Variants in KCNQ1 observed in about 807,000 individuals in gnomAD.
The protein encoded by KCNQ1 is potassium voltage-gated channel subfamily KQT member 1.
KCNQ1 carries 49 observed loss-of-function variants against 72.4 expected under a neutral mutation model. That is an observed-to-expected ratio of 0.68 (90% CI 0.54 to 0.86). The LOEUF (loss-of-function observed/expected upper bound fraction) is 0.86, where lower values mean the gene tolerates loss of function less well. Among genes scored for constraint, KCNQ1 ranks in the 40% least tolerant of loss-of-function variants. The pLI is 0.00. For synonymous variants in KCNQ1, 450 were observed against 412.6 expected (o/e 1.09, Z -1.10); for missense variants, 790 against 945.1 (o/e 0.84, Z 2.15).
rs1846239807 is a variant in KCNQ1, at chr11:2,752,321, G to C, written c.1515-16523G>C. Among the ~76,000 whole-genome samples, 1 of 151,696 alleles carries C rather than the reference G, an allele frequency of 6.6e-6. No homozygotes were observed. The highest frequency in any genetic ancestry group is 1.5e-5 in the Non-Finnish European group (1 of 68,030). ...CCATGGAGCTGATCTGAACCCAGTT[G>C]AGTGGCTTCCATGAAGCTGATCCGG... On this transcript the variant is annotated intron_variant, in intron 11 of 15. Transcript: ENST00000155840. This position sits in a 1 kb window ranked among gnomAD's most constrained non-coding sequence, Gnocchi z 5.2.
chr11:2,576,334 C>T (rs531839995), intron 6 of KCNQ1, among the ~76,000 whole-genome samples: 6 of 152,306 alleles, frequency 3.9e-5, no homozygotes, highest in African/African-American at 1.2e-4. Context: ...TGAGAACTCT[C>T]GAATCCCCTG....
chr11:2,674,833 A>T lies in KCNQ1; in HGVS notation c.1514+12752A>T, dbSNP rs1031840223. ...CTTGTCACCCTAATAGCTGTTTTTT[A>T]AAAAAAAAAAAAAAAAAAAAAAAAA... On this transcript the variant is annotated intron_variant, in intron 11 of 15. Coordinates refer to ENST00000155840, the MANE Select transcript of KCNQ1 (RefSeq NM_000218.3). This position sits in a 1 kb window ranked among gnomAD's most constrained non-coding sequence, Gnocchi z 5.9. The T allele has an allele frequency of 6.9e-3, 522 of 75,940 alleles. No individual in the cohort carries two copies. Among genetic ancestry groups the T allele is most frequent in the East Asian group, 0.015 (46 of 2,998 alleles). The allele number at this position is 75,940 out of a possible 1,614,324, so 4.7% of individuals were successfully genotyped here.
rs1489847695 is a variant in KCNQ1 at position 2,695,804 on chromosome 11, C to T, written c.1514+33723C>T. Reference sequence around the variant, plus strand: ...CTAATGCTTCTCCTATGAAGAATAGCTGTTGCTTTCATTTACATTTCTCTG... The same window carrying T: ...CTAATGCTTCTCCTATGAAGAATAGTTGTTGCTTTCATTTACATTTCTCTG... On this transcript the variant is annotated intron_variant, in intron 11 of 15. Transcript: ENST00000155840. The surrounding 1 kb of genome is among the most constrained non-coding windows in gnomAD (Gnocchi z 5.2). 1 of 398,528 alleles carries T rather than the reference C, an allele frequency of 2.5e-6. No homozygotes were observed. Among genetic ancestry groups the T allele is most frequent in the Non-Finnish European group, 4.4e-6 (1 of 226,082 alleles). The allele number at this position is 398,528 out of a possible 1,614,324, so 24.7% of individuals were successfully genotyped here. A position where few individuals can be genotyped will look rare whatever the true frequency, so the allele number is the denominator to read the frequency against.
chr11:2,684,251 G>A (rs1034663794), intron 11 of KCNQ1: 1 of 398,622 alleles, frequency 2.5e-6, no homozygotes, highest in Non-Finnish European at 4.4e-6. Context: ...TACCTTCTGG[G>A]ATTGGATTAA....
chr11:2,500,961 G>A (rs189170045), intron 1 of KCNQ1, among the ~76,000 whole-genome samples: 17 of 152,128 alleles, frequency 1.1e-4, no homozygotes, highest in Admixed American at 4.6e-4. Context: ...ACCATGGCAC[G>A]TGTATGCCTA....
At chr11:2,656,116 T>C (rs2133848948) in intron 10 of KCNQ1, 1 of 398,672 alleles carries the variant, frequency 2.5e-6, no homozygotes, top group South Asian at 1.3e-4. Context: ...CTCTACGTTC[T>C]AGCCTGTGCT....
intron 11 of KCNQ1, chr11:2,685,860 A>G: frequency 2.5e-6 from 1 of 398,736 alleles, no homozygotes; most frequent in East Asian, 3.6e-5. Context: ...TGCTTCACCC[A>G]GGACTCAGAC....
At chr11:2,590,433 A>G (rs567977464) in intron 10 of KCNQ1, among the ~76,000 whole-genome samples, 23 of 152,324 alleles carry the variant, frequency 1.5e-4, no homozygotes, top group African/African-American at 4.6e-4. Flanking sequence ...GGAAAAGGGC[A>G]CCTGTTTTGA....
chr11:2,633,431 C>T lies in KCNQ1; in HGVS notation c.1394-28530C>T, dbSNP rs1849397263. The stretch of plus-strand genomic sequence containing the variant: ...TTGCCTGTGCTTATAAAGTCTTACC[C>T]ATAAAATCTTCGCTAGACCCATATC... On this transcript the variant is annotated intron_variant, in intron 10 of 15. Transcript: ENST00000155840. 8 of 398,394 alleles carry T rather than the reference C, an allele frequency of 2.0e-5. No homozygotes were observed. The Admixed American group carries it at 2.6e-4, about 13-fold the overall frequency. 24.7% of individuals were successfully genotyped at this position (398,394 alleles called of 1,614,324 possible). A position where few individuals can be genotyped will look rare whatever the true frequency, so the allele number is the denominator to read the frequency against.
At chr11:2,466,315 G>A (rs1846350970) in intron 1 of KCNQ1, among the ~76,000 whole-genome samples, 1 of 152,138 alleles carries the variant, frequency 6.6e-6, no homozygotes, top group Admixed American at 6.5e-5. Context: ...CTTGCTGGGG[G>A]GAGAAGTCCT....
chr11:2,709,099 G>A (rs965604381), intron 11 of KCNQ1, among the ~76,000 whole-genome samples: 17 of 152,200 alleles, frequency 1.1e-4, no homozygotes, highest in Admixed American at 4.6e-4. Flanking sequence ...ACTGGCGAGC[G>A]GCTGAGTGTG....
rs1043924825 is a variant in KCNQ1 at position 2,762,543 on chromosome 11, T to C, written c.1515-6301T>C. ...AGGGTTTGTGTGTCTAATGTCCTAT[T>C]CCACGGGTCCCCAGGCCACAGACCG... is the stretch of plus-strand genomic sequence containing the variant. On this transcript the variant is annotated intron_variant, in intron 11 of 15. Transcript: ENST00000155840. This position sits in a 1 kb window ranked among gnomAD's most constrained non-coding sequence, Gnocchi z 4.3. 2.0e-5 allele frequency among the ~76,000 whole-genome samples: 3 copies of C among 152,172 alleles called. No individual in the cohort carries two copies. Among genetic ancestry groups the C allele is most frequent in the Non-Finnish European group, 1.5e-5 (1 of 68,036 alleles).
At position 2,716,727 on chromosome 11, in the gene KCNQ1, G is replaced by A. The variant is rs187259764; in HGVS notation, c.1515-52117G>A. On this transcript the variant is annotated intron_variant, in intron 11 of 15. Transcript: ENST00000155840. ...GGCAGCCGTGAAAGGCACGGGCAGC[G>A]CGGTGCTTCTCCTTCAGGAGGTGGA... is the stretch of plus-strand genomic sequence containing the variant. Among the ~76,000 whole-genome samples, 5 of 152,352 alleles carry A rather than the reference G, an allele frequency of 3.3e-5. No homozygotes were observed. The East Asian group carries it at 5.8e-4, about 18-fold the overall frequency.
intron 10 of KCNQ1, chr11:2,609,299 GTGT>G (rs1268739973): frequency 5.0e-6 from 2 of 398,176 alleles, no homozygotes; most frequent in Non-Finnish European, 8.9e-6. Context: ...TAAGAATGTA[GTGT>G]TGTTTAATTT....
rs971545442 is a variant in KCNQ1, at chr11:2,787,832, G to A, written c.1794+9795G>A. On this transcript the variant is annotated intron_variant, in intron 15 of 15. Transcript: ENST00000155840. This position sits in a 1 kb window ranked among gnomAD's most constrained non-coding sequence, Gnocchi z 6.3. The stretch of plus-strand genomic sequence containing the variant: ...CCTAAGTCATTTCAAACATACTGAA[G>A]GGTTTTCTAATAACCGAATGAAGGA... Among the ~76,000 whole-genome samples the A allele has an allele frequency of 1.1e-4, 17 of 151,406 alleles. No individual in the cohort carries two copies. Among genetic ancestry groups the A allele is most frequent in the African/African-American group, 4.1e-4 (17 of 41,340 alleles).
At chr11:2,474,191 G>A (rs1051346638) in intron 1 of KCNQ1, among the ~76,000 whole-genome samples, 13 of 152,190 alleles carry the variant, frequency 8.5e-5, no homozygotes, top group African/African-American at 2.9e-4. Flanking sequence ...GTCAAGAAGC[G>A]TTGGGGGTAG....
chr11:2,794,753 C>T (rs1265640907), intron 15 of KCNQ1, among the ~76,000 whole-genome samples: 1 of 152,100 alleles, frequency 6.6e-6, no homozygotes, highest in Non-Finnish European at 1.5e-5. Context: ...GCCTGGAGGA[C>T]CCCTCTGGCC....
chr11:2,676,738 G>A lies in KCNQ1; in HGVS notation c.1514+14657G>A, dbSNP rs1328836115. 1 of 398,538 alleles carries A rather than the reference G, an allele frequency of 2.5e-6. No individual in the cohort carries two copies. The highest frequency in any genetic ancestry group is 4.4e-6 in the Non-Finnish European group (1 of 226,082). The allele number at this position is 398,538 out of a possible 1,614,324, so 24.7% of individuals were successfully genotyped here. Reference sequence around the variant, plus strand: ...CAAGTCATATGCATAGTGGCTTTGGGTACGATGGTCTGCTGTATGAAGCAA... The same window carrying A: ...CAAGTCATATGCATAGTGGCTTTGGATACGATGGTCTGCTGTATGAAGCAA... On this transcript the variant is annotated intron_variant, in intron 11 of 15. Transcript: ENST00000155840. The surrounding 1 kb of genome is among the most constrained non-coding windows in gnomAD (Gnocchi z 4.2).
intron 15 of KCNQ1, among the ~76,000 whole-genome samples, chr11:2,833,198 C>G (rs1412438353): frequency 6.6e-6 from 1 of 152,192 alleles, no homozygotes; most frequent in African/African-American, 2.4e-5. Flanking sequence ...GTGGAAGCCC[C>G]TGCACGCAAG....
Sources: allele counts gnomAD v4.1 joint callset (sites outside exome capture counted in the v4.1 genomes callset), GRCh38; gene constraint gnomAD v4.1.1; non-coding constraint Gnocchi (gnomAD v3.1); transcripts MANE v1.5; gene names NCBI Gene and HGNC (gene_info 2026-07-23, HGNC 2026-07-21).